NRXN3: variants seen among roughly 807,000 people sequenced by gnomAD.
NRXN3 encodes neurexin 3, also known as neurexin III.
NRXN3 carries 32 observed loss-of-function variants against 137.6 expected under a neutral mutation model. The ratio of observed to expected loss-of-function variants is 0.23; its 90% CI spans 0.18 to 0.31. The LOEUF (loss-of-function observed/expected upper bound fraction) is 0.31. Ranked by LOEUF, NRXN3 falls within the 10% of genes least tolerant of loss-of-function variation. The pLI, the probability that NRXN3 is intolerant of heterozygous loss-of-function variation, is 1.00. For missense variants in NRXN3, 1,574 were observed against 2,062.5 expected, an observed-to-expected ratio of 0.76 and a Z score of 4.59; for synonymous variants, 798 against 784.5, an observed-to-expected ratio of 1.02 and a Z score of -0.29.
Position 78,572,391 on chromosome 14 carries a change from C to A in NRXN3, c.758-72729C>A, listed in dbSNP as rs544069604. On this transcript the variant is annotated intron_variant, in intron 4 of 20. Transcript: ENST00000335750. Reference sequence around the variant, plus strand: ...GGTAGCCCATCCTTGAGAGCCTGGCCACCTTCAGTGTGTCGAGATGCCAGG... The same window carrying A: ...GGTAGCCCATCCTTGAGAGCCTGGCAACCTTCAGTGTGTCGAGATGCCAGG... Among the ~76,000 whole-genome samples the A allele has an allele frequency of 4.6e-5, 7 of 152,290 alleles. No homozygotes were observed. In the East Asian group the frequency reaches 9.7e-4, roughly 21 times the overall value.
At chr14:79,409,403 T>C (rs547939862) in intron 15 of NRXN3, among the ~76,000 whole-genome samples, 26 of 151,222 alleles carry the variant, frequency 1.7e-4, no homozygotes, top group African/African-American at 5.3e-4. Context: ...GTATACATTA[T>C]GTATATACAT....
Position 79,218,486 on chromosome 14 carries a change from C to T in NRXN3, c.3262+230345C>T, listed in dbSNP as rs571109750. ...TTGGAGTATATAGGAATGAACAAGA[C>T]AGCCACACTTAGCAGAATGGGAGAG... On this transcript the variant is annotated intron_variant, in intron 15 of 20. Coordinates refer to ENST00000335750, the MANE Select transcript of NRXN3 (RefSeq NM_001330195.2). Among the ~76,000 whole-genome samples the T allele has an allele frequency of 2.9e-4, 44 of 152,168 alleles. No homozygotes were observed. The East Asian group carries it at 7.9e-3, about 27-fold the overall frequency.
At chr14:78,182,484 T>C (rs1595670129) in intron 1 of NRXN3, among the ~76,000 whole-genome samples, 1 of 152,328 alleles carries the variant, frequency 6.6e-6, no homozygotes, top group Non-Finnish European at 1.5e-5. Context: ...TTATCTGTTT[T>C]TTGAGATGGA....
At chr14:79,825,050 GATTTT>G (rs768699367) in intron 20 of NRXN3, among the ~76,000 whole-genome samples, 111 of 152,188 alleles carry the variant, frequency 7.3e-4, no homozygotes, top group Admixed American at 2.6e-3. Context: ...TTAAAAATCT[GATTTT>G]ATTTTGTATT....
chr14:79,751,205 A>T (rs985325405), intron 19 of NRXN3, among the ~76,000 whole-genome samples: 1 of 152,204 alleles, frequency 6.6e-6, no homozygotes, highest in Non-Finnish European at 1.5e-5. Context: ...ACCCATGAGC[A>T]TGGAATGTTC....
intron 15 of NRXN3, among the ~76,000 whole-genome samples, chr14:79,225,627 T>TA (rs1411374793): frequency 6.6e-6 from 1 of 152,168 alleles, no homozygotes; most frequent in Non-Finnish European, 1.5e-5. Flanking sequence ...CAACACTTTT[T>TA]ACCCCCTGAA....
chr14:79,431,143 TA>T (rs537088926), intron 15 of NRXN3, among the ~76,000 whole-genome samples: 145 of 152,082 alleles, frequency 9.5e-4, no homozygotes, highest in Non-Finnish European at 1.9e-3. Flanking sequence ...AGAAGGTCAT[TA>T]AAAAAAATTC....
At chr14:78,643,203 G>A (rs142959651) in intron 4 of NRXN3, among the ~76,000 whole-genome samples, 335 of 152,238 alleles carry the variant, frequency 2.2e-3, no homozygotes, top group South Asian at 0.012. Flanking sequence ...TATTCATTTT[G>A]CCTAAGAAAT....
At chr14:78,931,109 T>C (rs1340972037) in intron 10 of NRXN3, among the ~76,000 whole-genome samples, 1 of 152,252 alleles carries the variant, frequency 6.6e-6, no homozygotes, top group Non-Finnish European at 1.5e-5. Context: ...TTTTGGCTTT[T>C]ATCCTTTCAT....
chr14:78,394,656 A>G (rs1339341507), intron 4 of NRXN3, among the ~76,000 whole-genome samples: 2 of 151,862 alleles, frequency 1.3e-5, no homozygotes, highest in African/African-American at 4.8e-5. Flanking sequence ...ATTAATTTAA[A>G]TGTTTGGTAG....
intron 4 of NRXN3, among the ~76,000 whole-genome samples, chr14:78,575,184 G>A (rs2096925154): frequency 6.6e-6 from 1 of 152,200 alleles, no homozygotes; most frequent in Non-Finnish European, 1.5e-5. Flanking sequence ...GGAACTGTGA[G>A]TCAATTAAAC....
chr14:79,529,478 A>G (rs1270345152), intron 16 of NRXN3, among the ~76,000 whole-genome samples: 1 of 152,156 alleles, frequency 6.6e-6, no homozygotes, highest in East Asian at 1.9e-4. Context: ...TGAGTATAAA[A>G]CAATATAAAA....
At chr14:78,355,833 G>A (rs1043078587) in intron 4 of NRXN3, among the ~76,000 whole-genome samples, 2 of 152,226 alleles carry the variant, frequency 1.3e-5, no homozygotes, top group African/African-American at 2.4e-5. Context: ...TTGGTTAGGA[G>A]AGTTGAGGCA....
intron 4 of NRXN3, among the ~76,000 whole-genome samples, chr14:78,404,540 A>G (rs894793381): frequency 2.6e-5 from 4 of 152,132 alleles, no homozygotes; most frequent in African/African-American, 9.7e-5. Context: ...AGGGAATTGG[A>G]AACTATGATG....
At chr14:78,709,753 C>A in intron 7 of NRXN3, 98 bp downstream of exon 7, 2 of 1,067,958 alleles carry the variant, frequency 1.9e-6, no homozygotes, top group South Asian at 1.5e-5. Context: ...CCCTTGCATG[C>A]TTGTTGATTC....
chr14:78,267,716 G>A (rs1372010179), intron 2 of NRXN3, among the ~76,000 whole-genome samples: 1 of 152,108 alleles, frequency 6.6e-6, no homozygotes, highest in Non-Finnish European at 1.5e-5. Flanking sequence ...ATCCTGTGGG[G>A]GCACTTTGAG....
At chr14:79,649,108 C>G (rs573632043) in intron 16 of NRXN3, among the ~76,000 whole-genome samples, 1 of 152,280 alleles carries the variant, frequency 6.6e-6, no homozygotes, top group South Asian at 2.1e-4. Flanking sequence ...ATCTCCCCTC[C>G]TCTTCTTTAA....
chr14:79,228,839 T>C (rs2153275089), intron 15 of NRXN3, among the ~76,000 whole-genome samples: 1 of 152,296 alleles, frequency 6.6e-6, no homozygotes, highest in African/African-American at 2.4e-5. Flanking sequence ...TCTTTCTGGA[T>C]TACACATTTG....
intron 4 of NRXN3, among the ~76,000 whole-genome samples, chr14:78,609,080 A>G (rs141762550): frequency 6.6e-6 from 1 of 152,178 alleles, no homozygotes; most frequent in Non-Finnish European, 1.5e-5. Context: ...GGGCCAGGTC[A>G]CGAAGTAAAT....
Sources: gnomAD v4.1 joint callset for allele counts (sites outside exome capture counted in the v4.1 genomes callset) on GRCh38, gnomAD v4.1.1 for gene constraint, MANE v1.5 for transcripts, NCBI Gene and HGNC (gene_info 2026-07-23, HGNC 2026-07-21) for gene names.